Variants in VDAC1 observed in about 807,000 individuals in gnomAD.
VDAC1 encodes voltage dependent anion channel 1.
A neutral mutation model predicts 34.7 loss-of-function variants in VDAC1; 10 were observed. That is an observed-to-expected ratio of 0.29 (90% CI 0.18 to 0.49). The LOEUF (loss-of-function observed/expected upper bound fraction) is 0.49, where lower values mean the gene tolerates loss of function less well. Among genes scored for constraint, VDAC1 ranks in the 20% least tolerant of loss-of-function variants. The pLI, the probability that VDAC1 is intolerant of heterozygous loss-of-function variation, is 0.99. For missense variants in VDAC1, 230 were observed against 347.9 expected (o/e 0.66, Z 2.69); for synonymous variants, 130 against 136.0 (o/e 0.96, Z 0.30).
chr5:133,989,655 C>T (rs1158069552), intron 5 of VDAC1, among the ~76,000 whole-genome samples: 1 of 147,088 alleles, frequency 6.8e-6, no homozygotes, highest in African/African-American at 2.5e-5. Context: ...TCACTGCATC[C>T]GACTCTTTTT....
At chr5:134,009,539 G>A (rs904312717), upstream of VDAC1, among the ~76,000 whole-genome samples, 28 of 151,902 alleles carry the variant, frequency 1.8e-4, no homozygotes, top group Admixed American at 1.1e-3. Context: ...TTACAGGTGT[G>A]AGCCACTGCA....
chr5:134,075,864 C>T, the VDAC1 span, among the ~76,000 whole-genome samples: 5 of 152,158 alleles, frequency 3.3e-5, no homozygotes, highest in Non-Finnish European at 5.9e-5. Flanking sequence ...GGATTACACG[C>T]GTGAGCCACC....
chr5:134,008,290 C>A (rs145938248), upstream of VDAC1, among the ~76,000 whole-genome samples: 91 of 152,248 alleles, frequency 6.0e-4, no homozygotes, highest in African/African-American at 2.0e-3. Context: ...CTAGCCATGC[C>A]GGAGACTACA....
the VDAC1 span, among the ~76,000 whole-genome samples, chr5:134,056,763 G>A: frequency 5.9e-5 from 9 of 152,238 alleles, no homozygotes; most frequent in East Asian, 3.9e-4. Context: ...TTGGCTCACC[G>A]CAACCTCCGC....
the VDAC1 span, among the ~76,000 whole-genome samples, chr5:134,097,696 G>A: frequency 3.3e-5 from 5 of 152,164 alleles, no homozygotes; most frequent in South Asian, 2.1e-4. Flanking sequence ...TCCTCTGGAC[G>A]TGGCGGGGAG....
chr5:134,002,590 T>C lies in VDAC1; in HGVS notation c.-7+2305A>G, dbSNP rs547369511. Among the ~76,000 whole-genome samples, 227 of 152,244 alleles carry C rather than the reference T, an allele frequency of 1.5e-3. 2 individuals carry two copies. Among genetic ancestry groups the C allele is most frequent in the Non-Finnish European group, 2.9e-3 (196 of 68,044 alleles). The stretch of plus-strand genomic sequence containing the variant: ...AGCACTTATTTCAAGAGACTATACA[T>C]ACTGTTACAGTTCTTTAAATATTTG... On this transcript the variant is annotated intron_variant, in intron 1 of 8. Coordinates refer to ENST00000265333, the MANE Select transcript of VDAC1 (RefSeq NM_003374.3).
chr5:133,982,584 C>A (rs922916559), intron 5 of VDAC1, among the ~76,000 whole-genome samples: 5 of 151,670 alleles, frequency 3.3e-5, no homozygotes, highest in Non-Finnish European at 4.4e-5. Context: ...AAAGAACCAA[C>A]CTGTTATTTT....
chr5:134,049,500 T>TTTAA, the VDAC1 span, among the ~76,000 whole-genome samples: 1 of 152,188 alleles, frequency 6.6e-6, no homozygotes, highest in Non-Finnish European at 1.5e-5. Flanking sequence ...CAACTCCATA[T>TTTAA]TTAAGGGTTA....
At chr5:134,060,957 C>G in the VDAC1 span, among the ~76,000 whole-genome samples, 1 of 140,390 alleles carries the variant, frequency 7.1e-6, no homozygotes, top group Non-Finnish European at 1.5e-5. Context: ...CTCACTGCAA[C>G]CTCCAGCCAG....
chr5:134,023,803 G>A, the VDAC1 span, among the ~76,000 whole-genome samples: 1 of 152,012 alleles, frequency 6.6e-6, no homozygotes, highest in Non-Finnish European at 1.5e-5. Context: ...AGACTGTCAC[G>A]GAAGGCCTCT....
At chr5:134,073,405 C>T in the VDAC1 span, among the ~76,000 whole-genome samples, 65,866 of 151,994 alleles carry the variant, frequency 0.43, 15,123 homozygotes, top group Non-Finnish European at 0.52. Context: ...GGGTCTGGCC[C>T]GCCAATGTAT....
chr5:134,055,706 G>T, the VDAC1 span, among the ~76,000 whole-genome samples: 2 of 147,556 alleles, frequency 1.4e-5, no homozygotes, highest in Non-Finnish European at 3.0e-5. Context: ...GGGATTACAG[G>T]CGTGAGCCAC....
At chr5:133,996,865 G>T (rs1253139868) in intron 1 of VDAC1, among the ~76,000 whole-genome samples, 2 of 152,132 alleles carry the variant, frequency 1.3e-5, no homozygotes, top group Admixed American at 6.5e-5. Context: ...CACCAAGAGT[G>T]GGGGAGTTGG....
the VDAC1 span, among the ~76,000 whole-genome samples, chr5:134,040,658 T>C: frequency 1.8e-3 from 280 of 151,640 alleles, no homozygotes; most frequent in African/African-American, 5.9e-3. Context: ...ATCAAGGAGG[T>C]GGAGGTTGCG....
At chr5:134,063,208 A>G in the VDAC1 span, among the ~76,000 whole-genome samples, 1 of 152,214 alleles carries the variant, frequency 6.6e-6, no homozygotes, top group Non-Finnish European at 1.5e-5. Flanking sequence ...TAACATTGAT[A>G]TATTACTATT....
chr5:134,108,238 AC>A, the VDAC1 span, among the ~76,000 whole-genome samples: 7,570 of 151,866 alleles, frequency 0.05, 603 homozygotes, highest in African/African-American at 0.17. Flanking sequence ...CCCACTCCCA[AC>A]CCCCACCCTG....
intron 5 of VDAC1, 66 bp downstream of exon 5, chr5:133,990,789 C>T: frequency 6.6e-7 from 1 of 1,504,240 alleles, no homozygotes; most frequent in Non-Finnish European, 8.9e-7. Context: ...CATTTTGTCA[C>T]AAAGGGCTTC....
At chr5:134,099,307 A>G in the VDAC1 span, among the ~76,000 whole-genome samples, 1 of 152,170 alleles carries the variant, frequency 6.6e-6, no homozygotes, top group Non-Finnish European at 1.5e-5. Context: ...CTGCTCTTCA[A>G]TGGGACCAGC....
the VDAC1 span, among the ~76,000 whole-genome samples, chr5:134,030,069 G>A: frequency 2.0e-5 from 3 of 152,088 alleles, no homozygotes; most frequent in South Asian, 2.1e-4. Flanking sequence ...GGCCGGGCAC[G>A]GTGGCTCACA....
Sources: gnomAD v4.1 joint callset for allele counts (sites outside exome capture counted in the v4.1 genomes callset) on GRCh38, gnomAD v4.1.1 for gene constraint, MANE v1.5 for transcripts, NCBI Gene and HGNC (gene_info 2026-07-23, HGNC 2026-07-21) for gene names.